TOGARAM1: variants seen among roughly 807,000 people sequenced by gnomAD.
TOGARAM1 encodes the protein TOG array regulator of axonemal microtubules protein 1.
TOGARAM1 carries 100 observed loss-of-function variants against 166.6 expected under a neutral mutation model. The ratio of observed to expected loss-of-function variants is 0.60; its 90% confidence interval spans 0.51 to 0.71. The LOEUF is 0.71. Ranked by LOEUF, TOGARAM1 falls within the 30% of genes least tolerant of loss-of-function variation. The probability of loss-of-function intolerance (pLI) is 0.00; values close to 1 mark genes in which losing one functional copy is unlikely to be tolerated. For synonymous variants in TOGARAM1, 758 were observed against 763.8 expected, an observed-to-expected ratio of 0.99 and a Z score of 0.13; for missense variants, 2,029 against 2,102.7, an observed-to-expected ratio of 0.96 and a Z score of 0.69.
At chr14:44,970,715 AT>A (rs2138724378) in intron 1 of TOGARAM1, among the ~76,000 whole-genome samples, 1 of 152,256 alleles carries the variant, frequency 6.6e-6, no homozygotes, top group South Asian at 2.1e-4. Context: ...TTCCCCCTGT[AT>A]TCCTAGTTTG....
chr14:44,985,442 T>C (rs1222860191), intron 1 of TOGARAM1, among the ~76,000 whole-genome samples: 1 of 152,196 alleles, frequency 6.6e-6, no homozygotes, highest in African/African-American at 2.4e-5. Context: ...AGATAATTTT[T>C]CCATAGACTA....
In TOGARAM1 at chr14:45,045,701, A is replaced by G. The variant is rs552755050; in HGVS notation, c.4154+831A>G. ...TATATACACATATATACACATATATATGTGTATATATATACACATATATAC... is the reference window on the plus strand; with the variant it reads ...TATATACACATATATACACATATATGTGTGTATATATATACACATATATAC... On this transcript the variant is annotated intron_variant, in intron 13 of 19. Coordinates refer to ENST00000361462, the MANE Select transcript of TOGARAM1 (RefSeq NM_001308120.2). 4.1e-3 allele frequency among the ~76,000 whole-genome samples: 458 copies of G among 112,032 alleles called. 3 individuals carry two copies. Among genetic ancestry groups the G allele is most frequent in the Middle Eastern group, 0.013 (3 of 238 alleles). The allele number at this position is 112,032 out of a possible 152,430, so 73.5% of individuals were successfully genotyped here.
intron 6 of TOGARAM1, among the ~76,000 whole-genome samples, chr14:45,011,202 A>T (rs947187594): frequency 1.3e-5 from 2 of 152,156 alleles, no homozygotes; most frequent in Non-Finnish European, 2.9e-5. Context: ...CATTTACCAA[A>T]CTTACTCATT....
rs201797482 is a variant in TOGARAM1, at chr14:44,995,876, C to G, written c.2177C>G (p.Pro726Arg). The stretch of plus-strand genomic sequence containing the variant: ...TTTCAGAATAGTCGGGATTTTAACC[C>G]AGATTGTCTTCCTTTATGTGCTGCT... The part of the protein sequence containing the change: ...NLFQNSRDFN[P>R]DCLPLCAAGT... Residue 726 changes from proline (P) to arginine (R), a missense_variant, in exon 2 of 20, where the codon CCA becomes CGA. Physicochemically the swap from Pro to Arg is moderately radical, Grantham distance 103 (BLOSUM62 -2). This residue lies in a region of TOGARAM1 where 1,453 missense variants were observed against 1,432.2 expected (regional missense o/e 1.01). Coordinates refer to ENST00000361462, the MANE Select transcript of TOGARAM1 (RefSeq NM_001308120.2). 5.8e-4 allele frequency: 928 copies of G among 1,609,606 alleles called. 17 individuals carry two copies. In the South Asian group the frequency reaches 9.6e-3, roughly 17 times the overall value.
chr14:44,973,900 A>C (rs1235908442), intron 1 of TOGARAM1, among the ~76,000 whole-genome samples: 1 of 151,278 alleles, frequency 6.6e-6, no homozygotes, highest in African/African-American at 2.4e-5. Flanking sequence ...CCCTATAGGT[A>C]ATGTTCTGTT....
At chr14:45,018,456 C>T (rs928906625) in intron 7 of TOGARAM1, among the ~76,000 whole-genome samples, 4 of 152,146 alleles carry the variant, frequency 2.6e-5, no homozygotes, top group African/African-American at 9.7e-5. Flanking sequence ...GTTGGCTAGA[C>T]TAGTCTCGAA....
At chr14:44,979,072 A>G (rs1328138388) in intron 1 of TOGARAM1, among the ~76,000 whole-genome samples, 3 of 152,010 alleles carry the variant, frequency 2.0e-5, no homozygotes, top group African/African-American at 4.8e-5. Flanking sequence ...TGATATAACA[A>G]TTAGGAGTCA....
chr14:44,969,768 G>T (rs1885781050), intron 1 of TOGARAM1, among the ~76,000 whole-genome samples: 1 of 151,948 alleles, frequency 6.6e-6, no homozygotes, highest in African/African-American at 2.4e-5. Context: ...TTTTACATGT[G>T]CATGTTCAGT....
At chr14:45,059,170 T>A (rs1484891576) in intron 16 of TOGARAM1, among the ~76,000 whole-genome samples, 3 of 152,074 alleles carry the variant, frequency 2.0e-5, no homozygotes, top group Non-Finnish European at 4.4e-5. Context: ...CTCGACCTCC[T>A]GGGTTCAAGC....
chr14:44,982,941 C>T (rs1445831487), intron 1 of TOGARAM1, among the ~76,000 whole-genome samples: 4 of 152,118 alleles, frequency 2.6e-5, no homozygotes, highest in South Asian at 4.2e-4. Context: ...TCAACAAATA[C>T]CTGTTAAATA....
intron 1 of TOGARAM1, among the ~76,000 whole-genome samples, chr14:44,976,343 A>G (rs1343841050): frequency 6.6e-6 from 1 of 152,108 alleles, no homozygotes; most frequent in African/African-American, 2.4e-5. Context: ...CCCTTTTTCC[A>G]GATAACATCT....
Position 44,968,389 on chromosome 14 carries a change from A to G in TOGARAM1, c.2046+3922A>G, listed in dbSNP as rs544873871. On this transcript the variant is annotated intron_variant, in intron 1 of 19. Transcript: ENST00000361462. ...GTTCTCCTGCCTCAGCCTTCCGAGT[A>G]GCTGGGACTACAGGCACCCGCCACC... Among the ~76,000 whole-genome samples the G allele has an allele frequency of 2.6e-4, 40 of 152,236 alleles. No individual in the cohort carries two copies. In the East Asian group the frequency reaches 7.7e-3, roughly 29 times the overall value.
chr14:44,989,372 T>A (rs2138786866), intron 1 of TOGARAM1, among the ~76,000 whole-genome samples: 1 of 152,340 alleles, frequency 6.6e-6, no homozygotes, highest in South Asian at 2.1e-4. Flanking sequence ...AGTTATTCAA[T>A]TATTTGTAGA....
chr14:44,963,781 G>C lies in TOGARAM1; in HGVS notation c.1360G>C (p.Glu454Gln), dbSNP rs1885358952. 6.2e-7 allele frequency: 1 copy of C among 1,613,930 alleles called. No individual in the cohort carries two copies. Among genetic ancestry groups the C allele is most frequent in the Admixed American group, 1.7e-5 (1 of 60,000 alleles). ...GGACAACAAGTTGGTGATCAAACAA[G>C]AATACATGAAAATCTTCCTCAAGCT... ...LADNKLVIKQ[E>Q]YMKIFLKLMK... Residue 454 changes from glutamate to glutamine, a missense_variant, in exon 1 of 20, where the codon GAA (glutamate) becomes CAA (glutamine). By Grantham distance (29) the Glu-to-Gln change is conservative. Coordinates refer to ENST00000361462, the MANE Select transcript of TOGARAM1 (RefSeq NM_001308120.2).
At chr14:45,003,790 C>CATGCATGTATGTATGTATATGTATACAT (rs1887801390) in intron 3 of TOGARAM1, among the ~76,000 whole-genome samples, 1 of 152,024 alleles carries the variant, frequency 6.6e-6, no homozygotes, top group African/African-American at 2.4e-5. Context: ...TATACATATA[C>CATGCATGTATGTATGTATATGTATACAT]ATGCATGTAT....
intron 10 of TOGARAM1, among the ~76,000 whole-genome samples, chr14:45,028,806 CAG>C (rs1451617254): frequency 6.6e-6 from 1 of 151,970 alleles, no homozygotes; most frequent in Non-Finnish European, 1.5e-5. Context: ...TAGGAAAAAT[CAG>C]AGGTTGAAAT....
chr14:44,988,307 T>C (rs1886957555), intron 1 of TOGARAM1, among the ~76,000 whole-genome samples: 1 of 152,190 alleles, frequency 6.6e-6, no homozygotes, highest in African/African-American at 2.4e-5. Flanking sequence ...ATATAAGCAC[T>C]TAACGTATTA....
At chr14:44,999,912 A>G (rs897797213) in intron 3 of TOGARAM1, among the ~76,000 whole-genome samples, 8 of 152,218 alleles carry the variant, frequency 5.3e-5, no homozygotes, top group Admixed American at 6.5e-5. Flanking sequence ...TTTGAAGTAC[A>G]TAATAAAGTA....
chr14:45,052,414 C>A, intron 14 of TOGARAM1, 22 bp from the exon 15 acceptor site: 1 of 1,598,154 alleles, frequency 6.3e-7, no homozygotes, highest in Non-Finnish European at 8.5e-7. Flanking sequence ...AAGTAATATA[C>A]CTGTTTTTCA....
Sources: allele counts gnomAD v4.1 joint callset (sites outside exome capture counted in the v4.1 genomes callset), GRCh38; gene constraint gnomAD v4.1.1; regional missense constraint gnomAD v4.1.1; transcripts MANE v1.5; gene names NCBI Gene and HGNC (gene_info 2026-07-23, HGNC 2026-07-21).